Variants in ANKRD26 observed in about 807,000 individuals in gnomAD.
The protein encoded by ANKRD26 is ankyrin repeat domain 26.
Under a neutral mutation model 208.7 loss-of-function variants are expected in ANKRD26, and 141 were observed. The observed-to-expected ratio is 0.68, with a 90% CI of 0.59 to 0.78. ANKRD26 has a LOEUF of 0.78. Among genes scored for constraint, ANKRD26 ranks in the 30% least tolerant of loss-of-function variants. The pLI is 0.00. For missense variants in ANKRD26, 1,889 were observed against 1,938.7 expected, an observed-to-expected ratio of 0.97 and a Z score of 0.48; for synonymous variants, 636 against 660.4, an observed-to-expected ratio of 0.96 and a Z score of 0.57.
intron 20 of ANKRD26, among the ~76,000 whole-genome samples, chr10:27,040,822 G>C (rs1216058618): frequency 2.0e-5 from 3 of 152,058 alleles, no homozygotes; most frequent in Non-Finnish European, 4.4e-5. Context: ...CTGAGGTTAG[G>C]AGTTCGAGAC....
In ANKRD26 at chr10:27,035,547, G is replaced by A; in HGVS notation, c.2903C>T (p.Thr968Ile). The change falls in exon 24 of 34, where the codon ACA (threonine) becomes ATA (isoleucine). Residue 968 changes from threonine to isoleucine, a missense_variant. Physicochemically the swap from Thr to Ile is moderately conservative, Grantham distance 89 (BLOSUM62 -1). Coordinates refer to ENST00000376087, the MANE Select transcript of ANKRD26 (RefSeq NM_014915.3). Reference sequence around the variant, plus strand: ...TCCATTATACTGGGATATTGTTTGTGTTAATGTTTCCTCATTCTGTTTTAT... The same window carrying A: ...TCCATTATACTGGGATATTGTTTGTATTAATGTTTCCTCATTCTGTTTTAT... Reference protein sequence around the residue: ...KTIKQNEETLTQTISQYNGRL... With the variant: ...KTIKQNEETLIQTISQYNGRL... 1 of 1,613,780 alleles carries A rather than the reference G, an allele frequency of 6.2e-7. No individual in the cohort carries two copies. The highest frequency in any genetic ancestry group is 2.2e-5 in the East Asian group (1 of 44,848).
At chr10:27,062,072 T>C (rs2055077016) in intron 12 of ANKRD26, 2 of 985,016 alleles carry the variant, frequency 2.0e-6, no homozygotes, top group South Asian at 9.4e-5. Context: ...CTTAGCTAAC[T>C]TCTTTCTTTC....
Position 27,037,268 on chromosome 10 carries a change from C to T in ANKRD26, c.2615G>A (p.Arg872Lys), listed in dbSNP as rs775532766. The T allele has an allele frequency of 6.2e-7, 1 of 1,613,880 alleles. No homozygotes were observed. The highest frequency in any genetic ancestry group is 1.1e-5 in the South Asian group (1 of 91,074). The change falls in exon 23 of 34, where the codon AGA (arginine) becomes AAA (lysine). Residue 872 changes from arginine (R) to lysine (K), a missense_variant. Transcript: ENST00000376087. ...GGTCAGAATTCCATCTTGTAACATT[C>T]TGGCATTCTGTTCTCGAGAAAGTTG... ...QRQLSREQNA[R>K]MLQDGILTNH...
chr10:27,053,143 G>T (rs957108776), intron 16 of ANKRD26, among the ~76,000 whole-genome samples, 177 bp downstream of exon 16: 11 of 152,008 alleles, frequency 7.2e-5, no homozygotes, highest in African/African-American at 2.4e-4. Flanking sequence ...TTAGCTATAG[G>T]TTACTACACA....
intron 1 of ANKRD26, among the ~76,000 whole-genome samples, chr10:27,097,583 T>TAAAA (rs1368270636): frequency 6.7e-6 from 1 of 149,992 alleles, no homozygotes. Flanking sequence ...TATTTTTAAA[T>TAAAA]AAAATTCTTA....
downstream of ANKRD26, among the ~76,000 whole-genome samples, chr10:26,988,458 A>C (rs908739100): frequency 6.6e-6 from 1 of 152,184 alleles, no homozygotes; most frequent in African/African-American, 2.4e-5. Context: ...TTGGATAAGC[A>C]TAGAGCCTCA....
intron 12 of ANKRD26, chr10:27,062,233 T>C: frequency 1.0e-6 from 1 of 973,926 alleles, no homozygotes; most frequent in Non-Finnish European, 1.2e-6. Context: ...ATCTACAATT[T>C]CTATTTCTCC....
At chr10:26,972,588 CTTTT>C (rs773904333), downstream of ANKRD26, among the ~76,000 whole-genome samples, 2 of 121,950 alleles carry the variant, frequency 1.6e-5, no homozygotes. Context: ...CAAAGTGATT[CTTTT>C]TTTTTTTTTT....
Position 27,038,048 on chromosome 10 carries a change from G to A in ANKRD26, c.2382C>T (p.Ser794=), listed in dbSNP as rs966897987. 4.4e-6 allele frequency: 7 copies of A among 1,608,122 alleles called. No homozygotes were observed. The highest frequency in any genetic ancestry group is 1.7e-5 in the Admixed American group (1 of 59,970). The change falls in exon 22 of 34, where the codon AGC becomes AGT. Residue 794 remains serine (S), a synonymous_variant. Transcript: ENST00000376087. ...WERELCSLRF[S]LNQEEEKRRN... Reference sequence around the variant, plus strand: ...TTCTCTTCTCTTCTTCTTGGTTTAAGCTAAATCTGCAGTTAAATATGTTTA... The same window carrying A: ...TTCTCTTCTCTTCTTCTTGGTTTAAACTAAATCTGCAGTTAAATATGTTTA...
At chr10:27,071,780 TGGGAAGCCCGGCAATCCAGGCCACG>T (rs1414533202) in intron 9 of ANKRD26, among the ~76,000 whole-genome samples, 6 of 152,096 alleles carry the variant, frequency 3.9e-5, no homozygotes, top group Non-Finnish European at 7.4e-5. Flanking sequence ...ACACTTCCAC[TGGGAAGCCCGGCAATCCAGGCCACG>T]GGGAAGCCCT....
Position 27,049,078 on chromosome 10 carries a change from G to T in ANKRD26, c.1636-99C>A. The T allele has an allele frequency of 2.9e-6, 3 of 1,051,354 alleles. No individual in the cohort carries two copies. In the South Asian group the frequency reaches 4.9e-5, roughly 17 times the overall value. 65.1% of individuals were successfully genotyped at this position (1,051,354 alleles called of 1,614,324 possible). A position where few individuals can be genotyped will look rare whatever the true frequency, so the allele number is the denominator to read the frequency against. Reference sequence around the variant, plus strand: ...TATCATTTGACTCAGTTTAACTATGGTAACTTTAGCCAATAAAAATATTTT... The same window carrying T: ...TATCATTTGACTCAGTTTAACTATGTTAACTTTAGCCAATAAAAATATTTT... On this transcript the variant is annotated intron_variant, in intron 16 of 33. Coordinates refer to ENST00000376087, the MANE Select transcript of ANKRD26 (RefSeq NM_014915.3).
At chr10:27,059,193 T>C (rs1442399503) in intron 15 of ANKRD26, among the ~76,000 whole-genome samples, 1 of 152,200 alleles carries the variant, frequency 6.6e-6, no homozygotes, top group Non-Finnish European at 1.5e-5. Flanking sequence ...GGCTAACAGG[T>C]GTGAGCCACC....
At chr10:26,992,482 AC>A (rs2052505627) in intron 5 of ANKRD26, among the ~76,000 whole-genome samples, 1 of 149,366 alleles carries the variant, frequency 6.7e-6, no homozygotes, top group African/African-American at 2.5e-5. Context: ...ACACACACAC[AC>A]ACACACACAC....
intron 4 of ANKRD26, among the ~76,000 whole-genome samples, chr10:27,090,203 T>C (rs962100414): frequency 7.2e-5 from 11 of 152,140 alleles, no homozygotes; most frequent in African/African-American, 2.7e-4. Flanking sequence ...CCTAGCACTT[T>C]GGGAGGCCAA....
At chr10:27,087,654 C>G (rs1166372671) in intron 4 of ANKRD26, among the ~76,000 whole-genome samples, 1 of 152,202 alleles carries the variant, frequency 6.6e-6, no homozygotes, top group Admixed American at 6.5e-5. Flanking sequence ...GGGCAGAAAA[C>G]TAACAGATGT....
intron 4 of ANKRD26, among the ~76,000 whole-genome samples, chr10:26,996,601 G>A (rs1338423801): frequency 2.0e-5 from 3 of 152,166 alleles, no homozygotes; most frequent in African/African-American, 7.2e-5. Context: ...TTTTTCTACA[G>A]GGAATACAGG....
At chr10:27,053,182 G>T (rs574256218) in intron 16 of ANKRD26, 138 bp downstream of exon 16, 2 of 617,822 alleles carry the variant, frequency 3.2e-6, no homozygotes, top group East Asian at 2.9e-5. Context: ...TAGTCAAAAC[G>T]TTTTTAATAC....
intron 3 of ANKRD26, among the ~76,000 whole-genome samples, chr10:26,984,021 C>T (rs150350778): frequency 1.2e-4 from 19 of 152,256 alleles, no homozygotes; most frequent in South Asian, 2.1e-4. Context: ...ACTGTAGAAA[C>T]AGGTTTATTT....
Position 27,100,439 on chromosome 10 carries a change from T to C in ANKRD26, c.-113A>G. 1 of 1,466,454 alleles carries C rather than the reference T, an allele frequency of 6.8e-7. No homozygotes were observed. Among genetic ancestry groups the C allele is most frequent in the Non-Finnish European group, 9.1e-7 (1 of 1,096,836 alleles). The allele number at this position is 1,466,454 out of a possible 1,614,324, so 90.8% of individuals were successfully genotyped here. On this transcript the variant is annotated 5_prime_UTR_variant, in exon 1 of 34. Transcript: ENST00000376087. ...CTGGCCGCAGCCTCCCAAAGGAAAC[T>C]CCGCGGTTTCCAATCTCTCCCTCCG...
Sources: gnomAD v4.1 joint callset for allele counts (sites outside exome capture counted in the v4.1 genomes callset) on GRCh38, gnomAD v4.1.1 for gene constraint, MANE v1.5 for transcripts, NCBI Gene and HGNC (gene_info 2026-07-23, HGNC 2026-07-21) for gene names.